Variants in CTNNB1 observed in about 807,000 individuals in gnomAD.
CTNNB1 encodes the protein catenin beta 1, also known as catenin beta-1.
In CTNNB1, 6 loss-of-function variants were observed where a neutral mutation model predicts 82.5. The observed-to-expected ratio is 0.07, with a 90% CI of 0.04 to 0.14. The LOEUF is 0.14. Ranked by LOEUF, CTNNB1 falls within the 10% of genes least tolerant of loss-of-function variation. CTNNB1 has a pLI of 1.00. For missense variants in CTNNB1, 529 were observed against 980.4 expected (o/e 0.54, Z 6.15); for synonymous variants, 312 against 329.7 (o/e 0.95, Z 0.58).
At chr3:41,210,657 T>G (rs1575292221) in intron 1 of CTNNB1, among the ~76,000 whole-genome samples, 1 of 152,204 alleles carries the variant, frequency 6.6e-6, no homozygotes, top group African/African-American at 2.4e-5. Context: ...CCTGTGGCTG[T>G]TTTATAGTTA....
intron 1 of CTNNB1, among the ~76,000 whole-genome samples, chr3:41,203,353 CT>C (rs2125584113): frequency 6.6e-6 from 1 of 152,114 alleles, no homozygotes; most frequent in African/African-American, 2.4e-5. Context: ...GAGAAAATGT[CT>C]TCTCAGCCAA....
intron 7 of CTNNB1, among the ~76,000 whole-genome samples, chr3:41,228,554 T>G (rs1379466243): frequency 6.6e-6 from 1 of 152,234 alleles, no homozygotes; most frequent in Non-Finnish European, 1.5e-5. Flanking sequence ...TTTGCCCACT[T>G]TTTAATGGGG....
chr3:41,215,869 A>G (rs2077905608), intron 1 of CTNNB1, among the ~76,000 whole-genome samples: 1 of 152,186 alleles, frequency 6.6e-6, no homozygotes, highest in Non-Finnish European at 1.5e-5. Flanking sequence ...TATGGTGTAT[A>G]TTTCAAGTAT....
At chr3:41,238,842 A>G (rs947719476) in intron 14 of CTNNB1, among the ~76,000 whole-genome samples, 4 of 152,070 alleles carry the variant, frequency 2.6e-5, no homozygotes, top group Admixed American at 2.0e-4. Context: ...GTCTCTTGAC[A>G]GGGGTAAATG....
intron 1 of CTNNB1, among the ~76,000 whole-genome samples, chr3:41,219,722 G>A (rs761863917): frequency 9.2e-5 from 14 of 152,174 alleles, no homozygotes; most frequent in Non-Finnish European, 1.8e-4. Context: ...TTTATGATCT[G>A]TCAGTATTGT....
At chr3:41,233,944 A>C in intron 9 of CTNNB1, 77 bp downstream of exon 9, 1 of 1,499,958 alleles carries the variant, frequency 6.7e-7, no homozygotes, top group Non-Finnish European at 9.3e-7. Context: ...TGGCTGTCTA[A>C]GCATAGTGAT....
Position 41,235,720 on chromosome 3 carries a change from G to A in CTNNB1, c.1684-4G>A, listed in dbSNP as rs2125644484. 6.2e-7 allele frequency: 1 copy of A among 1,614,030 alleles called. No homozygotes were observed. Among genetic ancestry groups the A allele is most frequent in the Non-Finnish European group, 8.5e-7 (1 of 1,179,998 alleles). On this transcript the variant is annotated splice_polypyrimidine_tract_variant and splice_region_variant and intron_variant, in intron 10 of 14. Coordinates refer to ENST00000349496, the MANE Select transcript of CTNNB1 (RefSeq NM_001904.4). Reference sequence around the variant, plus strand: ...CTGTTTGTTAACCATGTTTCTTTTGGCAGGAGGGGGTCCGCATGGAAGAAA... The same window carrying A: ...CTGTTTGTTAACCATGTTTCTTTTGACAGGAGGGGGTCCGCATGGAAGAAA...
At chr3:41,224,320 C>T (rs979594258) in intron 2 of CTNNB1, 6 of 692,790 alleles carry the variant, frequency 8.7e-6, no homozygotes, top group Admixed American at 4.8e-5. Context: ...TCCACTGATT[C>T]AGTGAGTAAC....
chr3:41,199,939 A>G (rs2077484211), intron 1 of CTNNB1: 1 of 66,458 alleles, frequency 1.5e-5, no homozygotes, highest in African/African-American at 5.9e-5. Context: ...GGGCGCGTAC[A>G]GGAGCCCGGA....
chr3:41,205,422 G>A (rs554319255), intron 1 of CTNNB1, among the ~76,000 whole-genome samples: 61 of 152,154 alleles, frequency 4.0e-4, no homozygotes, highest in Non-Finnish European at 6.6e-4. Context: ...TGAAAAGTGG[G>A]GTGGCCTGGT....
intron 1 of CTNNB1, among the ~76,000 whole-genome samples, chr3:41,209,926 C>T (rs1315630895): frequency 6.6e-6 from 1 of 152,120 alleles, no homozygotes; most frequent in Non-Finnish European, 1.5e-5. Context: ...ACACTGTACA[C>T]TTGGGCTACA....
chr3:41,206,952 C>G (rs2077662372), intron 1 of CTNNB1, among the ~76,000 whole-genome samples: 1 of 152,212 alleles, frequency 6.6e-6, no homozygotes. Context: ...ACGTAATACA[C>G]TGACATACCG....
rs139959306 is a variant in CTNNB1 at position 41,235,516 on chromosome 3, A to G, written c.1684-208A>G. 2.0e-3 allele frequency: 1,277 copies of G among 633,662 alleles called. 10 individuals carry two copies. The highest frequency in any genetic ancestry group is 2.1e-3 in the Non-Finnish European group (758 of 355,350). The allele number at this position is 633,662 out of a possible 1,614,324, so 39.3% of individuals were successfully genotyped here. On this transcript the variant is annotated intron_variant, in intron 10 of 14. Coordinates refer to ENST00000349496, the MANE Select transcript of CTNNB1 (RefSeq NM_001904.4). Reference sequence around the variant, plus strand: ...GTATGGAAGCTCTGTTGCACTGTGTATGGGGGAGGGGTGCTGCTTTGAATT... The same window carrying G: ...GTATGGAAGCTCTGTTGCACTGTGTGTGGGGGAGGGGTGCTGCTTTGAATT...
At position 41,239,181 on chromosome 3, in the gene CTNNB1, T is replaced by C. The variant is rs1182819659; in HGVS notation, c.2185T>C (p.Leu729=). The change falls in exon 15 of 15, where the codon TTG becomes CTG. Residue 729 remains leucine, a synonymous_variant. Coordinates refer to ENST00000349496, the MANE Select transcript of CTNNB1 (RefSeq NM_001904.4). Reference sequence around the variant, plus strand: ...CTCTGGTGGATATGGCCAGGATGCCTTGGGTATGGACCCCATGATGGAACA... The same window carrying C: ...CTCTGGTGGATATGGCCAGGATGCCCTGGGTATGGACCCCATGATGGAACA... ...FHSGGYGQDA[L]GMDPMMEHEM... 3 of 1,614,076 alleles carry C rather than the reference T, an allele frequency of 1.9e-6. No homozygotes were observed. The highest frequency in any genetic ancestry group is 2.5e-6 in the Non-Finnish European group (3 of 1,180,030).
At chr3:41,200,692 C>G (rs918805355) in intron 1 of CTNNB1, among the ~76,000 whole-genome samples, 3 of 152,192 alleles carry the variant, frequency 2.0e-5, no homozygotes, top group Non-Finnish European at 4.4e-5. Context: ...CAACTTCTTT[C>G]AGTGTTTTGT....
chr3:41,219,804 A>G (rs1279141738), intron 1 of CTNNB1, among the ~76,000 whole-genome samples: 1 of 152,170 alleles, frequency 6.6e-6, no homozygotes, highest in Admixed American at 6.5e-5. Flanking sequence ...ACTTCTGGTG[A>G]TATGGGAAAT....
At chr3:41,210,799 T>C (rs747304585) in intron 1 of CTNNB1, among the ~76,000 whole-genome samples, 84 of 152,072 alleles carry the variant, frequency 5.5e-4, no homozygotes, top group Non-Finnish European at 9.4e-4. Context: ...TGCTATACTT[T>C]TTTTTTTTGA....
At chr3:41,224,462 C>T (rs1177773372) in intron 2 of CTNNB1, 64 bp from the exon 3 acceptor site, 5 of 1,423,178 alleles carry the variant, frequency 3.5e-6, no homozygotes, top group Non-Finnish European at 3.9e-6. Flanking sequence ...ATCACAGATT[C>T]TTTTTTTTTA....
rs976344851 is a variant in CTNNB1, at chr3:41,224,062, G to A, written c.-7G>A. ...CATACAACTGTTTTGAAAATCCAGC[G>A]TGGACAATGGCTACTCAAGGTTTGT... is the stretch of plus-strand genomic sequence containing the variant. On this transcript the variant is annotated 5_prime_UTR_variant, in exon 2 of 15. It adds an upstream start codon to the 5' untranslated region. Transcript: ENST00000349496. The A allele has an allele frequency of 1.2e-6, 2 of 1,613,608 alleles. No homozygotes were observed. The highest frequency in any genetic ancestry group is 8.5e-7 in the Non-Finnish European group (1 of 1,179,646).
Sources: gnomAD v4.1 joint callset for allele counts (sites outside exome capture counted in the v4.1 genomes callset) on GRCh38, gnomAD v4.1.1 for gene constraint, MANE v1.5 for transcripts, NCBI Gene and HGNC (gene_info 2026-07-23, HGNC 2026-07-21) for gene names.